The following FANK1 variants were observed in gnomAD, a reference collection of about 807,000 sequenced individuals.
The protein encoded by FANK1 is fibronectin type 3 and ankyrin repeat domains protein 1.
Under a neutral mutation model 45.3 loss-of-function variants are expected in FANK1, and 44 were observed. The ratio of observed to expected loss-of-function variants is 0.97; its 90% CI spans 0.76 to 1.25. The LOEUF (loss-of-function observed/expected upper bound fraction) is 1.25. FANK1 is among the 50% of genes most tolerant of loss of function. The pLI is 0.00. For missense variants in FANK1, 391 were observed against 424.4 expected, an observed-to-expected ratio of 0.92 and a Z score of 0.69; for synonymous variants, 149 against 152.5, an observed-to-expected ratio of 0.98 and a Z score of 0.17.
At chr10:126,002,340 C>A (rs10794050) in intron 6 of FANK1, among the ~76,000 whole-genome samples, 4 of 151,956 alleles carry the variant, frequency 2.6e-5, no homozygotes, top group African/African-American at 9.7e-5. Flanking sequence ...GTCATGCAGA[C>A]AATTAGAGTT....
chr10:125,962,148 A>G (rs1949966176), intron 1 of FANK1, among the ~76,000 whole-genome samples: 1 of 152,174 alleles, frequency 6.6e-6, no homozygotes, highest in Non-Finnish European at 1.5e-5. Flanking sequence ...GCAAAAAACA[A>G]TCTGAATACT....
chr10:126,002,796 A>G (rs1014197647), intron 6 of FANK1, among the ~76,000 whole-genome samples: 30 of 140,444 alleles, frequency 2.1e-4, no homozygotes, highest in African/African-American at 7.9e-4. Context: ...TTCTTGCTGA[A>G]CTATTCTGAA....
intron 6 of FANK1, among the ~76,000 whole-genome samples, chr10:126,003,487 C>A (rs575875475): frequency 6.6e-6 from 1 of 152,060 alleles, no homozygotes; most frequent in Non-Finnish European, 1.5e-5. Context: ...ATGTTACATC[C>A]ATTGGGAGGC....
chr10:125,993,529 C>T (rs1219473661), intron 3 of FANK1, among the ~76,000 whole-genome samples: 1 of 152,194 alleles, frequency 6.6e-6, no homozygotes, highest in African/African-American at 2.4e-5. Flanking sequence ...GGTTCCTTGG[C>T]CTCTATCCTC....
At chr10:125,930,410 C>G (rs1482172549) in intron 1 of FANK1, among the ~76,000 whole-genome samples, 1 of 151,932 alleles carries the variant, frequency 6.6e-6, no homozygotes, top group South Asian at 2.1e-4. Context: ...GATCATGGCT[C>G]ACTGCAGCCT....
chr10:125,973,515 G>T (rs977922396), intron 1 of FANK1: 1 of 955,418 alleles, frequency 1.0e-6, no homozygotes, highest in African/African-American at 1.8e-5. Context: ...TGGTTCAGTA[G>T]TTCCTTCTTC....
At chr10:125,946,557 A>G (rs1948815781) in intron 1 of FANK1, among the ~76,000 whole-genome samples, 2 of 151,604 alleles carry the variant, frequency 1.3e-5, no homozygotes, top group African/African-American at 4.8e-5. Flanking sequence ...AAGTTTAGAG[A>G]AAAAAGAATA....
chr10:125,915,559 G>A (rs552587338), intron 1 of FANK1, among the ~76,000 whole-genome samples: 2 of 152,366 alleles, frequency 1.3e-5, no homozygotes, highest in South Asian at 4.1e-4. Flanking sequence ...GCTCACGCCT[G>A]TTATCCCAGC....
intron 1 of FANK1, among the ~76,000 whole-genome samples, chr10:125,905,130 C>CAAAAAAAAAAAAAAAAAAA (rs11289535): frequency 1.5e-5 from 1 of 68,134 alleles, no homozygotes; most frequent in Non-Finnish European, 2.6e-5. Flanking sequence ...GACTCTGTCC[C>CAAAAAAAAAAAAAAAAAAA]AAAAAAAAAA....
At chr10:125,981,653 G>A (rs942805902) in intron 2 of FANK1, among the ~76,000 whole-genome samples, 3 of 152,110 alleles carry the variant, frequency 2.0e-5, no homozygotes, top group African/African-American at 7.2e-5. Context: ...GGTTTTTAGT[G>A]AAACTTTTAA....
At chr10:125,933,747 A>G (rs1035693461) in intron 1 of FANK1, among the ~76,000 whole-genome samples, 8 of 151,800 alleles carry the variant, frequency 5.3e-5, no homozygotes, top group Non-Finnish European at 7.4e-5. Context: ...CACTTTTTCA[A>G]TCTTTTTGAT....
intron 1 of FANK1, among the ~76,000 whole-genome samples, chr10:125,899,307 G>T (rs111370096): frequency 1.4e-5 from 2 of 139,394 alleles, no homozygotes; most frequent in African/African-American, 2.7e-5. Context: ...TGATCCTCCC[G>T]CCCTGGCCTC....
chr10:125,924,509 C>T (rs949922297), intron 1 of FANK1, among the ~76,000 whole-genome samples: 3 of 152,196 alleles, frequency 2.0e-5, no homozygotes, highest in African/African-American at 7.2e-5. Context: ...GCCTCGGCCT[C>T]CCAAAGTGCT....
chr10:125,949,776 A>T (rs1419469063), intron 1 of FANK1, among the ~76,000 whole-genome samples: 3 of 150,384 alleles, frequency 2.0e-5, no homozygotes, highest in Non-Finnish European at 4.4e-5. Flanking sequence ...TTTAAAGTTC[A>T]TATGGAACCA....
At chr10:125,988,451 A>G (rs1590183523) in intron 2 of FANK1, 100 bp from the exon 3 acceptor site, 1 of 1,490,806 alleles carries the variant, frequency 6.7e-7, no homozygotes, top group East Asian at 2.3e-5. Context: ...TGTCCTGGAA[A>G]TAGAAGGAAA....
chr10:125,900,372 T>A (rs531533830), intron 1 of FANK1, among the ~76,000 whole-genome samples: 1 of 152,082 alleles, frequency 6.6e-6, no homozygotes, highest in South Asian at 2.1e-4. Flanking sequence ...TTTTTCTTTT[T>A]TTGGAAAATA....
At chr10:126,007,030 T>C (rs763500030) in intron 7 of FANK1, 2 of 152,046 alleles carry the variant, frequency 1.3e-5, no homozygotes, top group Non-Finnish European at 2.9e-5. Context: ...ACAATAAGCA[T>C]GGATGTGTTT....
intron 8 of FANK1, 55 bp from the exon 9 acceptor site, chr10:126,008,999 G>A: frequency 4.5e-6 from 7 of 1,558,756 alleles, no homozygotes; most frequent in Non-Finnish European, 6.2e-6. Flanking sequence ...GCCCCCTGCT[G>A]TGTGTGCCCT....
chr10:125,898,238 T>C (rs1224752941), intron 1 of FANK1, among the ~76,000 whole-genome samples: 2 of 152,170 alleles, frequency 1.3e-5, no homozygotes, highest in Non-Finnish European at 2.9e-5. Context: ...ACTGTTTTCA[T>C]GTGTAAACTA....
Sources: allele counts gnomAD v4.1 joint callset (sites outside exome capture counted in the v4.1 genomes callset), GRCh38; gene constraint gnomAD v4.1.1; transcripts MANE v1.5; gene names NCBI Gene and HGNC (gene_info 2026-07-23, HGNC 2026-07-21).